The following SNTB1 variants were observed in gnomAD, a reference collection of about 807,000 sequenced individuals.
The protein encoded by SNTB1 is syntrophin beta 1, also known as beta-1-syntrophin.
SNTB1 carries 36 observed loss-of-function variants against 48.9 expected under a neutral mutation model. The observed-to-expected ratio is 0.74, with a 90% CI of 0.56 to 0.97. The LOEUF (loss-of-function observed/expected upper bound fraction) is 0.97. Among genes scored for constraint, SNTB1 ranks in the 50% least tolerant of loss-of-function variants. The pLI, the probability that SNTB1 is intolerant of heterozygous loss-of-function variation, is 0.00. For synonymous variants in SNTB1, 299 were observed against 294.6 expected, an observed-to-expected ratio of 1.01 and a Z score of -0.15; for missense variants, 786 against 703.4, an observed-to-expected ratio of 1.12 and a Z score of -1.33.
At chr8:120,564,568 T>TTTG (rs1377082111) in intron 4 of SNTB1, among the ~76,000 whole-genome samples, 3 of 137,340 alleles carry the variant, frequency 2.2e-5, no homozygotes, top group African/African-American at 7.9e-5. Flanking sequence ...ATTCTGGTTT[T>TTTG]TTTTTTTTTT....
rs112595303 is a variant in SNTB1 at position 120,666,090 on chromosome 8, A to G, written c.788+27602T>C. ...TTTTAGAATCAGTTTTCCAATTTCT[A>G]TTAAAAGATCCACAGAGATTTTGAT... On this transcript the variant is annotated intron_variant, in intron 2 of 6. Transcript: ENST00000517992. 6.6e-3 allele frequency among the ~76,000 whole-genome samples: 1,002 copies of G among 152,302 alleles called. 14 individuals are homozygous for G. In the Middle Eastern group the frequency reaches 0.082, roughly 12 times the overall value.
chr8:120,575,135 T>A lies in SNTB1; in HGVS notation c.1087A>T (p.Lys363Ter). 1.2e-6 allele frequency: 2 copies of A among 1,614,116 alleles called. No homozygotes were observed. Among genetic ancestry groups the A allele is most frequent in the Non-Finnish European group, 1.7e-6 (2 of 1,180,008 alleles). ...LLIYDSMPRR[K>*]EAWFSPVHTY... ...TGAACTGGGCTGAACCAGGCTTCCTTCCTCCGTGGCATGCTGTCATAGATT... is the reference window on the plus strand; with the variant it reads ...TGAACTGGGCTGAACCAGGCTTCCTACCTCCGTGGCATGCTGTCATAGATT... The change falls in exon 4 of 7, where the codon AAG becomes TAG. Residue 363 changes from lysine (K) to a stop codon, truncating the protein, a stop_gained. Transcript: ENST00000517992. LOFTEE classifies it high-confidence loss of function.
chr8:120,702,971 G>A (rs1050958124), intron 1 of SNTB1, among the ~76,000 whole-genome samples: 5 of 152,156 alleles, frequency 3.3e-5, no homozygotes, highest in African/African-American at 1.2e-4. Context: ...CACACAAAGG[G>A]CTTGGAAGAG....
At chr8:120,743,266 G>T (rs1819072246) in intron 1 of SNTB1, among the ~76,000 whole-genome samples, 1 of 152,226 alleles carries the variant, frequency 6.6e-6, no homozygotes, top group African/African-American at 2.4e-5. Flanking sequence ...TCATAGACTG[G>T]CTGACTGTGT....
intron 1 of SNTB1, among the ~76,000 whole-genome samples, chr8:120,790,831 A>T (rs116037763): frequency 0.01 from 1,554 of 152,002 alleles, 30 homozygotes; most frequent in African/African-American, 0.035. Flanking sequence ...CAATCTACAG[A>T]TTCAATTCAA....
chr8:120,572,971 T>A (rs1054531310), intron 4 of SNTB1, among the ~76,000 whole-genome samples: 1 of 152,200 alleles, frequency 6.6e-6, no homozygotes, highest in Non-Finnish European at 1.5e-5. Flanking sequence ...CTGTGAATAA[T>A]GTTGCAATGA....
At chr8:120,774,032 A>T (rs1819687267) in intron 1 of SNTB1, among the ~76,000 whole-genome samples, 1 of 152,210 alleles carries the variant, frequency 6.6e-6, no homozygotes, top group Non-Finnish European at 1.5e-5. Context: ...GTTATGGTTG[A>T]AGCAATGACA....
chr8:120,762,808 T>TTAGTAGACAGTG lies in SNTB1; in HGVS notation c.571+48464_571+48465insCACTGTCTACTA, dbSNP rs1168443928. Among the ~76,000 whole-genome samples the TTAGTAGACAGTG allele has an allele frequency of 3.3e-5, 5 of 152,270 alleles. No individual in the cohort carries two copies. In the East Asian group the frequency reaches 9.6e-4, roughly 29 times the overall value. ...TAGACAGTGTGCACTCAATAAATGC[T>TTAGTAGACAGTG]TGCCGAAAGAAAAAAAATACTAGGC... On this transcript the variant is annotated intron_variant, in intron 1 of 6. Transcript: ENST00000517992.
At chr8:120,542,746 A>G (rs1815312479) in intron 5 of SNTB1, among the ~76,000 whole-genome samples, 1 of 152,088 alleles carries the variant, frequency 6.6e-6, no homozygotes, top group Admixed American at 6.6e-5. Flanking sequence ...ACACACAATT[A>G]TATCTACCAC....
intron 1 of SNTB1, among the ~76,000 whole-genome samples, chr8:120,779,171 A>G (rs1288151028): frequency 6.6e-6 from 1 of 152,214 alleles, no homozygotes; most frequent in Non-Finnish European, 1.5e-5. Context: ...GGCAAATGAC[A>G]TGATCACCAC....
chr8:120,597,142 T>C (rs1412793923), intron 3 of SNTB1, among the ~76,000 whole-genome samples: 2 of 152,114 alleles, frequency 1.3e-5, no homozygotes, highest in Non-Finnish European at 2.9e-5. Context: ...CAGTGGACCA[T>C]AGAAACAGAG....
chr8:120,784,556 G>C (rs1587160679), intron 1 of SNTB1, among the ~76,000 whole-genome samples: 1 of 152,116 alleles, frequency 6.6e-6, no homozygotes, highest in Admixed American at 6.5e-5. Context: ...GGACAAAGGA[G>C]AGACACCTGA....
chr8:120,711,485 C>T (rs1818463127), intron 1 of SNTB1, among the ~76,000 whole-genome samples: 1 of 152,128 alleles, frequency 6.6e-6, no homozygotes, highest in Non-Finnish European at 1.5e-5. Context: ...TATCCATTGT[C>T]CTGGGCCTCC....
rs150277386 is a variant in SNTB1, at chr8:120,791,279, C to T, written c.571+19994G>A. Among the ~76,000 whole-genome samples the T allele has an allele frequency of 2.1e-3, 314 of 151,994 alleles. 1 individual carries two copies. Among genetic ancestry groups the T allele is most frequent in the African/African-American group, 7.2e-3 (299 of 41,492 alleles). ...GAATGAATCCGGATCCTATTTCTCA[C>T]CATATACAAAAATTAACTCAAGATG... On this transcript the variant is annotated intron_variant, in intron 1 of 6. Coordinates refer to ENST00000517992, the MANE Select transcript of SNTB1 (RefSeq NM_021021.4).
chr8:120,692,057 G>C (rs1291105740), intron 2 of SNTB1, among the ~76,000 whole-genome samples: 1 of 152,180 alleles, frequency 6.6e-6, no homozygotes, highest in Non-Finnish European at 1.5e-5. Context: ...GTCCTTCCCA[G>C]TCTGTCTGCT....
intron 2 of SNTB1, among the ~76,000 whole-genome samples, chr8:120,649,933 G>C (rs1298332993): frequency 1.3e-5 from 2 of 152,144 alleles, no homozygotes; most frequent in African/African-American, 4.8e-5. Flanking sequence ...CGATTTTCCA[G>C]GTGCTGTCCA....
At chr8:120,620,090 GCA>G (rs1029593910) in intron 3 of SNTB1, among the ~76,000 whole-genome samples, 20 of 151,634 alleles carry the variant, frequency 1.3e-4, no homozygotes, top group Middle Eastern at 3.4e-3. Context: ...GTGTGTGTGT[GCA>G]CACACACACA....
chr8:120,619,308 TATAGAG>T (rs1428787652), intron 3 of SNTB1, among the ~76,000 whole-genome samples: 3 of 147,712 alleles, frequency 2.0e-5, no homozygotes, highest in African/African-American at 7.8e-5. Context: ...CATATATATA[TATAGAG>T]AGAGAGAGAG....
chr8:120,792,794 A>G (rs1317850485), intron 1 of SNTB1, among the ~76,000 whole-genome samples: 2 of 152,040 alleles, frequency 1.3e-5, no homozygotes, highest in Admixed American at 1.3e-4. Flanking sequence ...CCTGATTCAC[A>G]TAAGAAGTCC....
Sources: gnomAD v4.1 joint callset for allele counts (sites outside exome capture counted in the v4.1 genomes callset) on GRCh38, gnomAD v4.1.1 for gene constraint, MANE v1.5 for transcripts, NCBI Gene and HGNC (gene_info 2026-07-23, HGNC 2026-07-21) for gene names.